SPAG16: variants seen among roughly 807,000 people sequenced by gnomAD.
The protein encoded by SPAG16 is sperm associated antigen 16, also known as sperm-associated antigen 16 protein.
Under a neutral mutation model 80.4 loss-of-function variants are expected in SPAG16, and 86 were observed. That is an observed-to-expected ratio of 1.07 (90% CI 0.90 to 1.28). The LOEUF is 1.28. Ranked by LOEUF, SPAG16 falls within the 50% of genes most tolerant of loss-of-function variation. The pLI is 0.00. For missense variants in SPAG16, 870 were observed against 765.3 expected, an observed-to-expected ratio of 1.14 and a Z score of -1.61; for synonymous variants, 294 against 265.9, an observed-to-expected ratio of 1.11 and a Z score of -1.03.
At chr2:214,177,916 CAT>C (rs10622953) in intron 15 of SPAG16, among the ~76,000 whole-genome samples, 20 of 92,192 alleles carry the variant, frequency 2.2e-4, no homozygotes, top group African/African-American at 3.7e-4. Context: ...TATATATATA[CAT>C]ATATATATAT....
chr2:214,293,574 G>T (rs1693941987), intron 15 of SPAG16, among the ~76,000 whole-genome samples: 1 of 152,200 alleles, frequency 6.6e-6, no homozygotes, highest in South Asian at 2.1e-4. Context: ...TACTCCCCAG[G>T]TCACTAGCAG....
intron 15 of SPAG16, among the ~76,000 whole-genome samples, chr2:214,298,826 T>C (rs1336624592): frequency 6.6e-6 from 1 of 152,202 alleles, no homozygotes; most frequent in Non-Finnish European, 1.5e-5. Context: ...AAGACTGCTC[T>C]AGATTTTTTT....
chr2:213,750,909 C>G (rs1288011802), intron 10 of SPAG16, among the ~76,000 whole-genome samples: 1 of 152,108 alleles, frequency 6.6e-6, no homozygotes, highest in Admixed American at 6.6e-5. Context: ...AGCTTCTGGA[C>G]CACCGATGAT....
At chr2:214,275,238 A>C (rs1014885491) in intron 15 of SPAG16, among the ~76,000 whole-genome samples, 2 of 151,966 alleles carry the variant, frequency 1.3e-5, no homozygotes, top group Admixed American at 6.6e-5. Context: ...TGATCTTTTC[A>C]AAAAACCAGC....
Position 214,062,845 on chromosome 2 carries a change from C to T in SPAG16, c.1528-45351C>T, listed in dbSNP as rs978647996. ...TCCTTCCAGTGACCTACATGATCTGCTCCTCCGCTTTTCTTCTGACAACAT... is the reference window on the plus strand; with the variant it reads ...TCCTTCCAGTGACCTACATGATCTGTTCCTCCGCTTTTCTTCTGACAACAT... On this transcript the variant is annotated intron_variant, in intron 13 of 15. Coordinates refer to ENST00000331683, the MANE Select transcript of SPAG16 (RefSeq NM_024532.5). Among the ~76,000 whole-genome samples, 4 of 152,200 alleles carry T rather than the reference C, an allele frequency of 2.6e-5. No homozygotes were observed. In the East Asian group the frequency reaches 7.7e-4, roughly 29 times the overall value.
chr2:213,910,528 G>A lies in SPAG16; in HGVS notation c.1215-19432G>A, dbSNP rs1349115787. Among the ~76,000 whole-genome samples, 4 of 25,796 alleles carry A rather than the reference G, an allele frequency of 1.6e-4. 1 individual carries two copies. The highest frequency in any genetic ancestry group is 3.1e-4 in the Non-Finnish European group (2 of 6,536). The allele number at this position is 25,796 out of a possible 152,430, so 16.9% of individuals were successfully genotyped here. A position where few individuals can be genotyped will look rare whatever the true frequency, so the allele number is the denominator to read the frequency against. On this transcript the variant is annotated intron_variant, in intron 11 of 15. Coordinates refer to ENST00000331683, the MANE Select transcript of SPAG16 (RefSeq NM_024532.5). ...TTTTGAGACGGAGTCTCGCTCTGTCGCCCAGGCTGGAGTGCAGTGGCGCGA... is the reference window on the plus strand; with the variant it reads ...TTTTGAGACGGAGTCTCGCTCTGTCACCCAGGCTGGAGTGCAGTGGCGCGA...
In SPAG16 at chr2:213,687,717, T is replaced by C. The variant is rs541258303; in HGVS notation, c.1071-174768T>C. On this transcript the variant is annotated intron_variant, in intron 10 of 15. Transcript: ENST00000331683. ...CTGATTCTGAGCAATTTGAATATAA[T>C]GTATCTTGACATAGTTTTCTTCATG... Among the ~76,000 whole-genome samples the C allele has an allele frequency of 2.6e-5, 4 of 152,332 alleles. No individual in the cohort carries two copies. In the South Asian group the frequency reaches 8.3e-4, roughly 32 times the overall value.
At chr2:214,362,067 T>C (rs1699225091) in intron 15 of SPAG16, among the ~76,000 whole-genome samples, 1 of 151,886 alleles carries the variant, frequency 6.6e-6, no homozygotes. Context: ...TTCAGTAACC[T>C]ACAGGAGCAA....
intron 15 of SPAG16, among the ~76,000 whole-genome samples, chr2:214,332,971 T>A (rs1697028892): frequency 6.6e-6 from 1 of 152,238 alleles, no homozygotes; most frequent in South Asian, 2.1e-4. Context: ...AAAGTTATGA[T>A]GTGATGCTTT....
At chr2:214,381,284 C>G (rs932659167) in intron 15 of SPAG16, among the ~76,000 whole-genome samples, 2 of 152,180 alleles carry the variant, frequency 1.3e-5, no homozygotes, top group Non-Finnish European at 1.5e-5. Context: ...GTTTCTGCAT[C>G]AAATCAGATC....
At chr2:214,008,903 G>T (rs994666238) in intron 12 of SPAG16, among the ~76,000 whole-genome samples, 2 of 152,128 alleles carry the variant, frequency 1.3e-5, no homozygotes, top group African/African-American at 2.4e-5. Flanking sequence ...TTATTCATTG[G>T]TAGTAGAACT....
At chr2:214,014,883 C>A (rs986825183) in intron 13 of SPAG16, among the ~76,000 whole-genome samples, 1 of 152,174 alleles carries the variant, frequency 6.6e-6, no homozygotes, top group African/African-American at 2.4e-5. Context: ...TAAGGGGTTA[C>A]AGTCTGCAGG....
intron 4 of SPAG16, among the ~76,000 whole-genome samples, chr2:213,314,843 C>T (rs1230990591): frequency 6.6e-6 from 1 of 151,854 alleles, no homozygotes; most frequent in East Asian, 1.9e-4. Context: ...ATTCCTAGTA[C>T]AGATTACTTA....
rs550141118 is a variant in SPAG16, at chr2:214,280,254, T to C, written c.1721-129886T>C. On this transcript the variant is annotated intron_variant, in intron 15 of 15. Transcript: ENST00000331683. ...AGAAGACATAGAGAGCTATACTTGT[T>C]CATCAACAGAAGACTCAAAATGATT... 6.6e-5 allele frequency among the ~76,000 whole-genome samples: 10 copies of C among 152,328 alleles called. No homozygotes were observed. In the East Asian group the frequency reaches 1.9e-3, roughly 29 times the overall value.
At chr2:214,119,188 C>T (rs988438154) in intron 14 of SPAG16, among the ~76,000 whole-genome samples, 1 of 152,032 alleles carries the variant, frequency 6.6e-6, no homozygotes, top group Non-Finnish European at 1.5e-5. Flanking sequence ...CCCTGAAAAA[C>T]TATTGAATTG....
rs189820849 is a variant in SPAG16 at position 213,472,752 on chromosome 2, C to A, written c.943-17211C>A. On this transcript the variant is annotated intron_variant, in intron 9 of 15. Coordinates refer to ENST00000331683, the MANE Select transcript of SPAG16 (RefSeq NM_024532.5). The stretch of plus-strand genomic sequence containing the variant: ...AGCTAAAACTCCATTAGTTACCTGA[C>A]CTCCATAACCCCCTACTTTAACTGG... 2.7e-5 allele frequency among the ~76,000 whole-genome samples: 4 copies of A among 149,894 alleles called. No individual in the cohort carries two copies. In the East Asian group the frequency reaches 7.7e-4, roughly 29 times the overall value.
At chr2:214,024,672 A>G (rs764316822) in intron 13 of SPAG16, among the ~76,000 whole-genome samples, 6 of 151,638 alleles carry the variant, frequency 4.0e-5, no homozygotes, top group South Asian at 2.1e-4. Context: ...GTGAAATTAT[A>G]TGAATAGAAG....
At chr2:213,323,790 C>T (rs148228397) in intron 5 of SPAG16, among the ~76,000 whole-genome samples, 4 of 152,260 alleles carry the variant, frequency 2.6e-5, no homozygotes, top group African/African-American at 9.6e-5. Flanking sequence ...CAATACTACT[C>T]ATCCTTTAAA....
chr2:213,663,788 T>A (rs984782434), intron 10 of SPAG16, among the ~76,000 whole-genome samples: 6 of 152,098 alleles, frequency 3.9e-5, no homozygotes, highest in African/African-American at 1.4e-4. Context: ...TGAGCTATTA[T>A]TTAATACACA....
Sources: allele counts gnomAD v4.1 joint callset (sites outside exome capture counted in the v4.1 genomes callset), GRCh38; gene constraint gnomAD v4.1.1; transcripts MANE v1.5; gene names NCBI Gene and HGNC (gene_info 2026-07-23, HGNC 2026-07-21).